Variants in DLGAP1 observed in about 807,000 individuals in gnomAD.
The protein encoded by DLGAP1 is DLG associated protein 1.
In DLGAP1, 11 loss-of-function variants were observed where a neutral mutation model predicts 90.8. That is an observed-to-expected ratio of 0.12 (90% confidence interval 0.08 to 0.20). The LOEUF (loss-of-function observed/expected upper bound fraction) is 0.20. Ranked by LOEUF, DLGAP1 falls within the 10% of genes least tolerant of loss-of-function variation. The probability of loss-of-function intolerance (pLI) is 1.00; values close to 1 mark genes in which losing one functional copy is unlikely to be tolerated. For synonymous variants in DLGAP1, 558 were observed against 540.7 expected, an observed-to-expected ratio of 1.03 and a Z score of -0.44; for missense variants, 1,050 against 1,333.8, an observed-to-expected ratio of 0.79 and a Z score of 3.31.
chr18:3,574,537 A>C (rs1422118820), intron 8 of DLGAP1, among the ~76,000 whole-genome samples: 1 of 152,168 alleles, frequency 6.6e-6, no homozygotes, highest in Non-Finnish European at 1.5e-5. Flanking sequence ...ATTTTAATGC[A>C]TCATGGTTGG....
intron 1 of DLGAP1, among the ~76,000 whole-genome samples, chr18:4,356,838 A>G (rs2081526530): frequency 6.6e-6 from 1 of 151,540 alleles, no homozygotes; most frequent in South Asian, 2.1e-4. Context: ...TCCTATTATC[A>G]CCTTTGTTTG....
chr18:3,751,552 G>A (rs991186417), intron 5 of DLGAP1, among the ~76,000 whole-genome samples: 1 of 145,996 alleles, frequency 6.8e-6, no homozygotes. Flanking sequence ...CCTGTGACCC[G>A]ACAAAATTTT....
intron 3 of DLGAP1, among the ~76,000 whole-genome samples, chr18:3,881,575 C>T (rs1568277140): frequency 6.6e-6 from 1 of 152,170 alleles, no homozygotes; most frequent in Non-Finnish European, 1.5e-5. Flanking sequence ...GCCATGTAAG[C>T]ACACAGTAAT....
chr18:4,067,824 C>G (rs951341258), intron 2 of DLGAP1, among the ~76,000 whole-genome samples: 4 of 152,018 alleles, frequency 2.6e-5, no homozygotes, highest in Admixed American at 1.3e-4. Context: ...AGTTGTCCCC[C>G]CTTTCCTGAC....
At chr18:4,075,971 C>T (rs1053106714) in intron 2 of DLGAP1, among the ~76,000 whole-genome samples, 5 of 152,120 alleles carry the variant, frequency 3.3e-5, no homozygotes, top group African/African-American at 1.2e-4. Flanking sequence ...AGCTCTAGGG[C>T]TCTTTTGCAG....
intron 10 of DLGAP1, among the ~76,000 whole-genome samples, chr18:3,514,820 C>A (rs544399366): frequency 1.3e-5 from 2 of 152,134 alleles, no homozygotes; most frequent in African/African-American, 2.4e-5. Flanking sequence ...GGTCTTGCCT[C>A]GATGTGGATG....
At chr18:4,362,691 C>T (rs980423688) in intron 1 of DLGAP1, among the ~76,000 whole-genome samples, 9 of 152,140 alleles carry the variant, frequency 5.9e-5, no homozygotes, top group South Asian at 2.1e-4. Flanking sequence ...ATGTACTCAA[C>T]ACCATTGAAC....
At chr18:3,874,836 T>C in intron 4 of DLGAP1, 1 of 1,302,350 alleles carries the variant, frequency 7.7e-7, no homozygotes, top group Non-Finnish European at 1.0e-6. Context: ...TTTTATTAAC[T>C]GCAGACAGCT....
chr18:4,237,361 G>A (rs2078438816), intron 1 of DLGAP1, among the ~76,000 whole-genome samples: 1 of 152,162 alleles, frequency 6.6e-6, no homozygotes, highest in Non-Finnish European at 1.5e-5. Context: ...GTCTTGGTAT[G>A]ATGATAAGTC....
In DLGAP1 at chr18:3,499,733, C is replaced by T. The variant is rs778223801; in HGVS notation, c.2725-339G>A. 2.0e-5 allele frequency among the ~76,000 whole-genome samples: 3 copies of T among 152,154 alleles called. No individual in the cohort carries two copies. Among genetic ancestry groups the T allele is most frequent in the African/African-American group, 7.2e-5 (3 of 41,426 alleles). On this transcript the variant is annotated intron_variant, in intron 12 of 12. Coordinates refer to ENST00000315677, the MANE Select transcript of DLGAP1 (RefSeq NM_004746.4). The surrounding 1 kb of genome is among the most constrained non-coding windows in gnomAD (Gnocchi z 6.4). Reference sequence around the variant, plus strand: ...TTCTCTCTGGAGACTCCAGACTCCTCCTGGTGCCAGAGATGGGCCAGGAAG... The same window carrying T: ...TTCTCTCTGGAGACTCCAGACTCCTTCTGGTGCCAGAGATGGGCCAGGAAG...
At chr18:4,035,841 C>A (rs1480637438) in intron 2 of DLGAP1, among the ~76,000 whole-genome samples, 2 of 152,160 alleles carry the variant, frequency 1.3e-5, no homozygotes, top group African/African-American at 4.8e-5. Context: ...TTCTGTGATA[C>A]AGCACTCAGT....
chr18:3,829,077 T>A (rs956715166), intron 4 of DLGAP1, among the ~76,000 whole-genome samples: 1 of 152,186 alleles, frequency 6.6e-6, no homozygotes. Flanking sequence ...TTTTCACTTA[T>A]AAGGAAGGAG....
chr18:3,948,375 A>G (rs747601629), intron 3 of DLGAP1, among the ~76,000 whole-genome samples: 1 of 152,012 alleles, frequency 6.6e-6, no homozygotes, highest in African/African-American at 2.4e-5. Context: ...TTTTTCCACT[A>G]TTGAAAATTC....
At chr18:4,150,446 A>G (rs2076656531) in intron 2 of DLGAP1, among the ~76,000 whole-genome samples, 1 of 151,694 alleles carries the variant, frequency 6.6e-6, no homozygotes, top group African/African-American at 2.4e-5. Context: ...GCTGGAGTGC[A>G]GTGGTGCAAT....
intron 7 of DLGAP1, among the ~76,000 whole-genome samples, chr18:3,599,780 G>A (rs374303838): frequency 6.2e-4 from 95 of 152,010 alleles, no homozygotes; most frequent in African/African-American, 1.9e-3. Context: ...CACCACGCCC[G>A]GCTAATTTTG....
chr18:4,187,063 T>C (rs540745426), intron 1 of DLGAP1, among the ~76,000 whole-genome samples: 5 of 152,318 alleles, frequency 3.3e-5, no homozygotes, highest in Non-Finnish European at 7.4e-5. Context: ...TTGACTGTTG[T>C]TGGTATATAA....
At chr18:4,299,563 G>T (rs1429801124) in intron 1 of DLGAP1, among the ~76,000 whole-genome samples, 1 of 152,150 alleles carries the variant, frequency 6.6e-6, no homozygotes, top group Non-Finnish European at 1.5e-5. Context: ...TCACTAAGTA[G>T]AAATGTCTTG....
intron 1 of DLGAP1, among the ~76,000 whole-genome samples, chr18:4,348,960 G>T (rs2081355276): frequency 6.6e-6 from 1 of 152,148 alleles, no homozygotes; most frequent in African/African-American, 2.4e-5. Flanking sequence ...AAACACAGTG[G>T]TAAGAATCAT....
chr18:4,047,232 A>G (rs892268622), intron 2 of DLGAP1, among the ~76,000 whole-genome samples: 4 of 152,264 alleles, frequency 2.6e-5, no homozygotes, highest in African/African-American at 7.2e-5. Flanking sequence ...TTTCAGACAA[A>G]TAAAATGGTT....
Sources: gnomAD v4.1 joint callset for allele counts (sites outside exome capture counted in the v4.1 genomes callset) on GRCh38, gnomAD v4.1.1 for gene constraint, Gnocchi (gnomAD v3.1) non-coding constraint, MANE v1.5 for transcripts, NCBI Gene and HGNC (gene_info 2026-07-23, HGNC 2026-07-21) for gene names.